Variants in RB1CC1 observed in about 807,000 individuals in gnomAD.
RB1CC1 encodes RB1-inducible coiled-coil protein 1.
RB1CC1 carries 46 observed loss-of-function variants against 177.5 expected under a neutral mutation model. That is an observed-to-expected ratio of 0.26 (90% CI 0.20 to 0.33). The LOEUF is 0.33. Ranked by LOEUF, RB1CC1 falls within the 10% of genes least tolerant of loss-of-function variation. The probability of loss-of-function intolerance (pLI) is 1.00; values close to 1 mark genes in which losing one functional copy is unlikely to be tolerated. For synonymous variants in RB1CC1, 666 were observed against 613.6 expected (o/e 1.09, Z -1.26); for missense variants, 1,703 against 1,816.3 (o/e 0.94, Z 1.13).
intron 7 of RB1CC1, 44 bp downstream of exon 7, chr8:52,673,801 A>T: frequency 6.7e-7 from 1 of 1,483,412 alleles, no homozygotes; most frequent in Non-Finnish European, 9.1e-7. Context: ...AAATAATATA[A>T]AGTAGTAAAA....
intron 16 of RB1CC1, among the ~76,000 whole-genome samples, chr8:52,644,447 A>C (rs1411234369): frequency 6.6e-6 from 1 of 152,230 alleles, no homozygotes; most frequent in Non-Finnish European, 1.5e-5. Flanking sequence ...AGAACACACA[A>C]AGAGACAATG....
chr8:52,702,032 T>C (rs1238531127), intron 1 of RB1CC1, among the ~76,000 whole-genome samples: 3 of 152,140 alleles, frequency 2.0e-5, no homozygotes, highest in South Asian at 4.1e-4. Flanking sequence ...GGTCTCGAAC[T>C]CTTGACCTTA....
chr8:52,678,269 T>A lies in RB1CC1; in HGVS notation c.370-1698A>T, dbSNP rs149149978. Among the ~76,000 whole-genome samples, 103 of 152,098 alleles carry A rather than the reference T, an allele frequency of 6.8e-4. 1 individual carries two copies. The East Asian group carries it at 0.015, about 21-fold the overall frequency. The stretch of plus-strand genomic sequence containing the variant: ...CCATCTCTACCAAAAATACAAAAAT[T>A]AGCTGGGTGTGGTGGCACGTACCTG... On this transcript the variant is annotated intron_variant, in intron 5 of 23. Transcript: ENST00000025008.
At chr8:52,677,787 G>T (rs907094005) in intron 5 of RB1CC1, among the ~76,000 whole-genome samples, 1 of 152,008 alleles carries the variant, frequency 6.6e-6, no homozygotes, top group Non-Finnish European at 1.5e-5. Context: ...CACTAAAATA[G>T]AGTGGGGAAA....
At chr8:52,639,101 CTAACA>C (rs1370877385) in intron 18 of RB1CC1, among the ~76,000 whole-genome samples, 1 of 151,976 alleles carries the variant, frequency 6.6e-6, no homozygotes, top group Admixed American at 6.6e-5. Flanking sequence ...ACTTTTTAAC[CTAACA>C]TATTGTTAGA....
At chr8:52,660,748 G>T in intron 11 of RB1CC1, 91 bp from the exon 12 acceptor site, 2 of 1,261,836 alleles carry the variant, frequency 1.6e-6, no homozygotes, top group Non-Finnish European at 2.2e-6. Context: ...ATTAAAAGTT[G>T]ACAGTACTTC....
chr8:52,673,429 G>A (rs1302648929), intron 7 of RB1CC1, among the ~76,000 whole-genome samples: 1 of 152,206 alleles, frequency 6.6e-6, no homozygotes, highest in African/African-American at 2.4e-5. Context: ...ATCTCAGGCA[G>A]ATGCAGCATT....
chr8:52,646,768 G>A (rs1248259069), intron 15 of RB1CC1, among the ~76,000 whole-genome samples: 1 of 152,122 alleles, frequency 6.6e-6, no homozygotes, highest in Admixed American at 6.5e-5. Context: ...ACTGGTTAAT[G>A]ATTAGTTTAA....
At chr8:52,666,386 T>C (rs1852069303) in intron 8 of RB1CC1, among the ~76,000 whole-genome samples, 1 of 151,656 alleles carries the variant, frequency 6.6e-6, no homozygotes, top group Non-Finnish European at 1.5e-5. Context: ...GGCGTGGTGG[T>C]GCATGCCTGT....
chr8:52,691,019 C>T (rs1421571515), intron 1 of RB1CC1, among the ~76,000 whole-genome samples: 1 of 152,204 alleles, frequency 6.6e-6, no homozygotes, highest in South Asian at 2.1e-4. Context: ...CACTGATGCA[C>T]TATTATTATC....
At chr8:52,650,515 T>G (rs1226653096) in intron 15 of RB1CC1, among the ~76,000 whole-genome samples, 1 of 152,194 alleles carries the variant, frequency 6.6e-6, no homozygotes, top group African/African-American at 2.4e-5. Context: ...TTCACCAGAT[T>G]ACTATCCAGT....
chr8:52,673,286 A>G (rs1852773464), intron 7 of RB1CC1, among the ~76,000 whole-genome samples: 1 of 152,230 alleles, frequency 6.6e-6, no homozygotes, highest in Non-Finnish European at 1.5e-5. Flanking sequence ...CAGATCAGAT[A>G]TGAAGGGGTA....
At position 52,692,702 on chromosome 8, in the gene RB1CC1, G is replaced by A. The variant is rs1854998250; in HGVS notation, c.-166-5735C>T. 3.9e-5 allele frequency among the ~76,000 whole-genome samples: 6 copies of A among 152,118 alleles called. No homozygotes were observed. In the South Asian group the frequency reaches 1.2e-3, roughly 32 times the overall value. The stretch of plus-strand genomic sequence containing the variant: ...ATGTAGTAAGCATATTCTATGACTT[G>A]GGACTTTACTATTCCTTTAGAAATA... On this transcript the variant is annotated intron_variant, in intron 1 of 23. Coordinates refer to ENST00000025008, the MANE Select transcript of RB1CC1 (RefSeq NM_014781.5).
intron 8 of RB1CC1, among the ~76,000 whole-genome samples, chr8:52,663,204 G>A (rs1302186946): frequency 1.3e-5 from 2 of 151,962 alleles, no homozygotes; most frequent in Admixed American, 1.3e-4. Context: ...ACTCACAATC[G>A]TGTTCCAGAT....
chr8:52,646,841 C>T (rs1850091521), intron 15 of RB1CC1, among the ~76,000 whole-genome samples: 1 of 152,102 alleles, frequency 6.6e-6, no homozygotes, highest in South Asian at 2.1e-4. Context: ...TATCTACTTT[C>T]AACTTAATCC....
At chr8:52,675,714 C>CAAAAAAAAAAAAAAAAAAAA (rs1306544323) in intron 6 of RB1CC1, among the ~76,000 whole-genome samples, 1 of 61,282 alleles carries the variant, frequency 1.6e-5, no homozygotes. Context: ...ACTAAAAATC[C>CAAAAAAAAAAAAAAAAAAAA]AAAAAAAAAA....
Position 52,624,701 on chromosome 8 carries a change from A to G in RB1CC1, c.4707+16T>C, listed in dbSNP as rs1335307894. ...TTACAGTTCCCAGGCTTAGTATCAC[A>G]TGATGTCGTTTTTACCTTTTTGGCT... On this transcript the variant is annotated intron_variant, in intron 23 of 23. Transcript: ENST00000025008. 6.4e-7 allele frequency: 1 copy of G among 1,558,640 alleles called. No homozygotes were observed. Among genetic ancestry groups the G allele is most frequent in the East Asian group, 2.3e-5 (1 of 44,126 alleles).
Position 52,623,844 on chromosome 8 carries a change from TA to T in RB1CC1, c.4722del (p.Phe1574LeufsTer12), listed in dbSNP as rs1848201545. 6.2e-7 allele frequency: 1 copy of T among 1,608,148 alleles called. No homozygotes were observed. Among genetic ancestry groups the T allele is most frequent in the Non-Finnish European group, 8.5e-7 (1 of 1,175,242 alleles). ...TAAAACTTTGTCCCCAAAGGAACTT[TA>T]AATCTGTTTTGTGCCTAAGAGGGAA... The part of the protein sequence containing the change: ...YCQAKKAQNR[F>X]KVPLGTKFYR... On this transcript the variant is annotated frameshift_variant, in exon 24 of 24. Coordinates refer to ENST00000025008, the MANE Select transcript of RB1CC1 (RefSeq NM_014781.5). LOFTEE classifies it high-confidence loss of function.
intron 7 of RB1CC1, among the ~76,000 whole-genome samples, chr8:52,670,537 A>C (rs1029739947): frequency 6.6e-6 from 1 of 152,360 alleles, no homozygotes; most frequent in Admixed American, 6.5e-5. Flanking sequence ...CCTTAAGATC[A>C]CAAGTTGTCT....
Sources: allele counts gnomAD v4.1 joint callset (sites outside exome capture counted in the v4.1 genomes callset), GRCh38; gene constraint gnomAD v4.1.1; transcripts MANE v1.5; gene names NCBI Gene and HGNC (gene_info 2026-07-23, HGNC 2026-07-21).